Variants in USP54 observed in about 807,000 individuals in gnomAD.
USP54 encodes the protein ubiquitin specific peptidase 54.
In USP54, 87 loss-of-function variants were observed where a neutral mutation model predicts 170.5. The ratio of observed to expected loss-of-function variants is 0.51; its 90% CI spans 0.43 to 0.61. The LOEUF (loss-of-function observed/expected upper bound fraction) is 0.61. USP54 is among the 20% of genes least tolerant of loss of function. The probability of loss-of-function intolerance (pLI) is 0.00; values close to 1 mark genes in which losing one functional copy is unlikely to be tolerated. For synonymous variants in USP54, 655 were observed against 742.8 expected (o/e 0.88, Z 1.92); for missense variants, 1,786 against 2,047.8 (o/e 0.87, Z 2.47).
chr10:73,507,556 C>T (rs367682172), intron 20 of USP54, among the ~76,000 whole-genome samples: 3 of 151,476 alleles, frequency 2.0e-5, no homozygotes, highest in East Asian at 3.9e-4. Flanking sequence ...CGCCTGTAAT[C>T]CCAGCTACTC....
At chr10:73,510,338 A>T (rs1343216278) in intron 20 of USP54, among the ~76,000 whole-genome samples, 1 of 152,194 alleles carries the variant, frequency 6.6e-6, no homozygotes, top group Non-Finnish European at 1.5e-5. Context: ...TCGTCTAAAA[A>T]ATAAATAAAT....
intron 4 of USP54, among the ~76,000 whole-genome samples, chr10:73,558,172 G>A (rs2071691285): frequency 1.3e-5 from 2 of 152,014 alleles, no homozygotes; most frequent in Admixed American, 6.6e-5. Context: ...GAGCCACCAC[G>A]CCCAATCTTC....
chr10:73,616,014 C>T (rs1483072558), intron 1 of USP54, among the ~76,000 whole-genome samples: 1 of 149,916 alleles, frequency 6.7e-6, no homozygotes, highest in East Asian at 1.9e-4. Flanking sequence ...CAAGACCAGC[C>T]TGGCCAACAT....
chr10:73,571,351 C>G (rs1349941084), intron 4 of USP54, 70 bp downstream of exon 4: 2 of 1,347,478 alleles, frequency 1.5e-6, no homozygotes, highest in Non-Finnish European at 2.1e-6. Context: ...TCCTGATTAA[C>G]CAAACCACCT....
Position 73,520,888 on chromosome 10 carries a change from T to C in USP54, c.2482+20A>G, listed in dbSNP as rs757024083. On this transcript the variant is annotated intron_variant, in intron 18 of 23. Transcript: ENST00000687698. ...AAGTTAGTCAAAAGTGCCACAGCCATAGCAGTTAGAGTTACTTACAGATAG... is the reference window on the plus strand; with the variant it reads ...AAGTTAGTCAAAAGTGCCACAGCCACAGCAGTTAGAGTTACTTACAGATAG... The C allele has an allele frequency of 1.9e-6, 3 of 1,614,042 alleles. No homozygotes were observed. The highest frequency in any genetic ancestry group is 1.1e-5 in the South Asian group (1 of 91,088).
intron 4 of USP54, among the ~76,000 whole-genome samples, chr10:73,563,530 C>T (rs370032465): frequency 3.3e-5 from 5 of 151,998 alleles, no homozygotes; most frequent in East Asian, 3.9e-4. Flanking sequence ...CTCCACCCTC[C>T]GGGTTCAAGT....
intron 3 of USP54, among the ~76,000 whole-genome samples, chr10:73,575,157 G>A (rs1046071277): frequency 5.3e-5 from 8 of 151,212 alleles, no homozygotes; most frequent in Middle Eastern, 3.2e-3. Flanking sequence ...CCTGGGAGGC[G>A]GAGGTTGCAG....
At chr10:73,617,379 C>T (rs1036384477) in intron 1 of USP54, among the ~76,000 whole-genome samples, 1 of 148,488 alleles carries the variant, frequency 6.7e-6, no homozygotes, top group Admixed American at 6.6e-5. Context: ...TCACTTGAAC[C>T]CAGGAGGCGG....
chr10:73,617,437 C>G (rs1401596553), intron 1 of USP54, among the ~76,000 whole-genome samples: 5 of 147,866 alleles, frequency 3.4e-5, no homozygotes, highest in Non-Finnish European at 5.9e-5. Context: ...GCCTGGGCAA[C>G]AGAGAGAGAC....
At chr10:73,559,175 C>T (rs188835623) in intron 4 of USP54, among the ~76,000 whole-genome samples, 1,743 of 152,244 alleles carry the variant, frequency 0.011, 13 homozygotes, top group Non-Finnish European at 0.019. Context: ...AATCCCAGCA[C>T]CTTGGGAGGC....
At chr10:73,529,951 T>C in intron 14 of USP54, 40 bp from the exon 15 acceptor site, 2 of 1,516,436 alleles carry the variant, frequency 1.3e-6, no homozygotes, top group Non-Finnish European at 1.8e-6. Flanking sequence ...ATGAGGTAGA[T>C]TTAGCATTTG....
chr10:73,623,251 T>C (rs78238376), intron 1 of USP54, among the ~76,000 whole-genome samples: 13,118 of 152,010 alleles, frequency 0.086, 832 homozygotes, highest in African/African-American at 0.18. Flanking sequence ...CTGCGCGTGG[T>C]TGCATGCACC....
chr10:73,551,844 T>C (rs1039093880), intron 4 of USP54, among the ~76,000 whole-genome samples: 3 of 152,338 alleles, frequency 2.0e-5, no homozygotes, highest in African/African-American at 7.2e-5. Flanking sequence ...ATTTATAAAC[T>C]CTGGCCCCTT....
intron 4 of USP54, among the ~76,000 whole-genome samples, chr10:73,550,815 T>C (rs1370913141): frequency 6.6e-6 from 1 of 152,126 alleles, no homozygotes; most frequent in Non-Finnish European, 1.5e-5. Context: ...CAGGTCAAAA[T>C]TGTTTTTCCG....
chr10:73,556,974 A>C (rs889959062), intron 4 of USP54, among the ~76,000 whole-genome samples: 2 of 152,194 alleles, frequency 1.3e-5, no homozygotes, highest in African/African-American at 2.4e-5. Context: ...TGTTTAATTT[A>C]ATCAATCAAT....
chr10:73,509,426 A>G lies in USP54; in HGVS notation c.4052-4000T>C, dbSNP rs1056073259. Among the ~76,000 whole-genome samples the G allele has an allele frequency of 7.2e-4, 107 of 148,692 alleles. 2 individuals carry two copies. Among genetic ancestry groups the G allele is most frequent in the Admixed American group, 1.0e-3 (15 of 14,876 alleles). On this transcript the variant is annotated intron_variant, in intron 20 of 23. Coordinates refer to ENST00000687698, the MANE Select transcript of USP54 (RefSeq NM_001391956.1). ...AGACCAGCCTGGCCAACATAGTGAA[A>G]CCCTGTCTCTACCAAAAAAAAAAAA...
rs1564714791 is a variant in USP54 at position 73,530,358 on chromosome 10, TCTC to T, written c.1610_1612del (p.Gly537del). On this transcript the variant is annotated inframe_deletion, in exon 14 of 24. Transcript: ENST00000687698. ...CCTAGGAGGTTTTTTGTCAGGCTGG[TCTC>T]CTCCTCTGCCCCTGCAGTGAGAGCC... 3 of 1,614,102 alleles carry T rather than the reference TCTC, an allele frequency of 1.9e-6. No individual in the cohort carries two copies. The highest frequency in any genetic ancestry group is 1.7e-5 in the Admixed American group (1 of 60,016).
chr10:73,624,198 A>ATATATTT (rs1554955712), intron 1 of USP54, among the ~76,000 whole-genome samples: 3 of 102,492 alleles, frequency 2.9e-5, no homozygotes, highest in Non-Finnish European at 3.8e-5. Flanking sequence ...ATATATATGT[A>ATATATTT]TTTTTTTTTT....
At chr10:73,571,594 G>C in intron 3 of USP54, 81 bp from the exon 4 acceptor site, 1 of 1,048,254 alleles carries the variant, frequency 9.5e-7, no homozygotes, top group Non-Finnish European at 1.4e-6. Flanking sequence ...AACAAACATA[G>C]GTAATGACTG....
Sources: gnomAD v4.1 joint callset for allele counts (sites outside exome capture counted in the v4.1 genomes callset) on GRCh38, gnomAD v4.1.1 for gene constraint, MANE v1.5 for transcripts, NCBI Gene and HGNC (gene_info 2026-07-23, HGNC 2026-07-21) for gene names.